Variants in ARFGEF3 observed in about 807,000 individuals in gnomAD.
ARFGEF3 encodes ARFGEF family member 3, also known as brefeldin A-inhibited guanine nucleotide-exchange protein 3.
Under a neutral mutation model 221.7 loss-of-function variants are expected in ARFGEF3, and 96 were observed. That is an observed-to-expected ratio of 0.43 (90% CI 0.37 to 0.51). ARFGEF3 has a LOEUF of 0.51. Ranked by LOEUF, ARFGEF3 falls within the 20% of genes least tolerant of loss-of-function variation. The probability of loss-of-function intolerance (pLI) is 0.00; values close to 1 mark genes in which losing one functional copy is unlikely to be tolerated. For synonymous variants in ARFGEF3, 1,145 were observed against 1,126.8 expected (o/e 1.02, Z -0.32); for missense variants, 2,410 against 2,789.9 (o/e 0.86, Z 3.07).
At position 138,207,498 on chromosome 6, in the gene ARFGEF3, T is replaced by C. The variant is rs549305877; in HGVS notation, c.219+375T>C. Among the ~76,000 whole-genome samples the C allele has an allele frequency of 1.1e-4, 16 of 152,286 alleles. 1 individual carries two copies. The South Asian group carries it at 2.1e-3, about 20-fold the overall frequency. On this transcript the variant is annotated intron_variant, in intron 3 of 33. Coordinates refer to ENST00000251691, the MANE Select transcript of ARFGEF3 (RefSeq NM_020340.5). ...CATCTATGGTTCTATATAATAAAAATTGATGGTAAACTGGAAAGATTTTGT... is the reference window on the plus strand; with the variant it reads ...CATCTATGGTTCTATATAATAAAAACTGATGGTAAACTGGAAAGATTTTGT...
rs150384583 is a variant in ARFGEF3, at chr6:138,221,052, C to T, written c.352-8732C>T. Among the ~76,000 whole-genome samples, 249 of 152,304 alleles carry T rather than the reference C, an allele frequency of 1.6e-3. 1 individual carries two copies. The highest frequency in any genetic ancestry group is 5.8e-3 in the African/African-American group (243 of 41,570). ...CCAGCTGTGCTTGCTCATACATCTT[C>T]GGTCAGTTGGTGGCTTGGCTGGGGC... On this transcript the variant is annotated intron_variant, in intron 4 of 33. Transcript: ENST00000251691.
At chr6:138,234,141 T>C (rs943335625) in intron 5 of ARFGEF3, among the ~76,000 whole-genome samples, 1 of 152,182 alleles carries the variant, frequency 6.6e-6, no homozygotes, top group Non-Finnish European at 1.5e-5. Flanking sequence ...AAGAAGTTGT[T>C]TGGAGTTAGA....
chr6:138,215,271 C>A (rs914866987), intron 4 of ARFGEF3, among the ~76,000 whole-genome samples: 1 of 152,064 alleles, frequency 6.6e-6, no homozygotes, highest in Non-Finnish European at 1.5e-5. Flanking sequence ...GCTGGCTGTT[C>A]GCCTCTGTAA....
intron 12 of ARFGEF3, among the ~76,000 whole-genome samples, chr6:138,265,125 G>C (rs569857112): frequency 2.4e-4 from 36 of 151,994 alleles, no homozygotes; most frequent in East Asian, 5.8e-4. Context: ...GGATGGTCTC[G>C]ATCTCCTGAC....
rs1420927686 is a variant in ARFGEF3 at position 138,292,069 on chromosome 6, C to T, written c.3368+16C>T. 7.1e-7 allele frequency: 1 copy of T among 1,400,800 alleles called. No individual in the cohort carries two copies. Among genetic ancestry groups the T allele is most frequent in the Non-Finnish European group, 9.3e-7 (1 of 1,079,856 alleles). The allele number at this position is 1,400,800 out of a possible 1,614,324, so 86.8% of individuals were successfully genotyped here. ...AAGCCGACAGGTGCGCGGCGCCGGC[C>T]TCCCACGCCCCGGGAGCCTGCTTAC... is the stretch of plus-strand genomic sequence containing the variant. On this transcript the variant is annotated intron_variant, in intron 19 of 33. Coordinates refer to ENST00000251691, the MANE Select transcript of ARFGEF3 (RefSeq NM_020340.5).
rs756704668 is a variant in ARFGEF3 at position 138,334,252 on chromosome 6, C to T, written c.5406C>T (p.Gly1802=). Reference sequence around the variant, plus strand: ...TGAAGAAAGTGTCTGGCATCGGGGGCGCCGCCAACCTCTACCGCCAGTCTG... The same window carrying T: ...TGAAGAAAGTGTCTGGCATCGGGGGTGCCGCCAACCTCTACCGCCAGTCTG... ...CLLKKVSGIG[G]AANLYRQSAM... Residue 1802 remains glycine, a synonymous_variant, in exon 33 of 34, where the codon GGC becomes GGT. Coordinates refer to ENST00000251691, the MANE Select transcript of ARFGEF3 (RefSeq NM_020340.5). The surrounding 1 kb of genome is among the most constrained non-coding windows in gnomAD (Gnocchi z 5.1). The T allele has an allele frequency of 1.1e-5, 18 of 1,613,302 alleles. No homozygotes were observed. Among genetic ancestry groups the T allele is most frequent in the East Asian group, 8.9e-5 (4 of 44,866 alleles).
chr6:138,312,487 C>T (rs552660360), intron 25 of ARFGEF3, among the ~76,000 whole-genome samples: 2 of 152,216 alleles, frequency 1.3e-5, no homozygotes, highest in South Asian at 4.2e-4. Context: ...CCCTTTCCAC[C>T]CTCACATCCT....
chr6:138,266,089 C>G (rs896516356), intron 12 of ARFGEF3, among the ~76,000 whole-genome samples: 4 of 151,946 alleles, frequency 2.6e-5, no homozygotes, highest in Non-Finnish European at 4.4e-5. Context: ...GGTAGTGCAC[C>G]TTTGTCCCAG....
At chr6:138,235,179 G>C (rs1360284887) in intron 5 of ARFGEF3, among the ~76,000 whole-genome samples, 2 of 152,158 alleles carry the variant, frequency 1.3e-5, no homozygotes, top group East Asian at 1.9e-4. Context: ...GTGTTTTCTT[G>C]TTCTTTTTCC....
rs917130105 is a variant in ARFGEF3 at position 138,237,616 on chromosome 6, G to A, written c.421-893G>A. ...GTAAGACCCAAATAGGCCACCCTTGGTGTTATATTCACTTTGCAGGACACA... is the reference window on the plus strand; with the variant it reads ...GTAAGACCCAAATAGGCCACCCTTGATGTTATATTCACTTTGCAGGACACA... On this transcript the variant is annotated intron_variant, in intron 5 of 33. Coordinates refer to ENST00000251691, the MANE Select transcript of ARFGEF3 (RefSeq NM_020340.5). Among the ~76,000 whole-genome samples, 5 of 152,302 alleles carry A rather than the reference G, an allele frequency of 3.3e-5. No individual in the cohort carries two copies. In the South Asian group the frequency reaches 8.3e-4, roughly 25 times the overall value.
At position 138,278,530 on chromosome 6, in the gene ARFGEF3, A is replaced by G; in HGVS notation, c.2208A>G (p.Thr736=). The stretch of plus-strand genomic sequence containing the variant: ...TGATGAACGCAGACAGCCTCTACAC[A>G]GCTGCACACTGCGCCCTGCTCCTCA... ...QMLMNADSLY[T]AAHCALLLNL... Residue 736 remains threonine, a synonymous_variant, in exon 13 of 34, where the codon ACA becomes ACG. Coordinates refer to ENST00000251691, the MANE Select transcript of ARFGEF3 (RefSeq NM_020340.5). 6.2e-7 allele frequency: 1 copy of G among 1,613,916 alleles called. No homozygotes were observed.
rs1186689308 is a variant in ARFGEF3 at position 138,321,224 on chromosome 6, A to C, written c.4765A>C (p.Arg1589=). 6.7e-7 allele frequency: 1 copy of C among 1,491,790 alleles called. No homozygotes were observed. Among genetic ancestry groups the C allele is most frequent in the South Asian group, 1.2e-5 (1 of 80,442 alleles). 92.4% of individuals were successfully genotyped at this position (1,491,790 alleles called of 1,614,324 possible). The part of the protein sequence containing the change: ...TISRVGCSCI[R]YVLVTAGPVF... ...CTCCAGAGTGGGCTGCTCCTGTATT[A>C]GGTGAGGAAATGCTTTCCTGACTCT... Residue 1589 remains arginine (R), a splice_region_variant and synonymous_variant, in exon 29 of 34, where the codon AGA becomes CGA. Transcript: ENST00000251691.
chr6:138,165,018 G>T (rs1776696774), intron 1 of ARFGEF3, among the ~76,000 whole-genome samples: 3 of 151,844 alleles, frequency 2.0e-5, no homozygotes, highest in Admixed American at 2.0e-4. Flanking sequence ...CCCCTACTTA[G>T]ACCATCATGG....
intron 12 of ARFGEF3, among the ~76,000 whole-genome samples, chr6:138,268,922 A>G (rs1778944686): frequency 6.6e-6 from 1 of 152,246 alleles, no homozygotes; most frequent in South Asian, 2.1e-4. Context: ...TCACATTAAA[A>G]CAAAGCTGAC....
rs1780087649 is a variant in ARFGEF3, at chr6:138,324,131, C to T, written c.4978C>T (p.Arg1660Cys). The T allele has an allele frequency of 3.7e-6, 6 of 1,613,686 alleles. No individual in the cohort carries two copies. In the South Asian group the frequency reaches 4.4e-5, roughly 12 times the overall value. The change falls in exon 31 of 34, where the codon CGC becomes TGC. Residue 1660 changes from arginine (R) to cysteine (C), a missense_variant. By Grantham distance (180) the Arg-to-Cys change is radical (BLOSUM62 -3). This residue lies in a region of ARFGEF3 where 723 missense variants were observed against 991.9 expected (regional missense o/e 0.73). Transcript: ENST00000251691. ...SSPSAEAEYW[R>C]IRAMAQQVFM... is the part of the protein sequence containing the mutation. ...CCCAAGTGCCGAGGCCGAGTACTGG[C>T]GCATCCGAGCCATGGCCCAGCAGGT... is the stretch of plus-strand genomic sequence containing the variant.
chr6:138,304,432 T>A (rs1779683817), intron 22 of ARFGEF3, among the ~76,000 whole-genome samples: 1 of 152,180 alleles, frequency 6.6e-6, no homozygotes, highest in Admixed American at 6.5e-5. Flanking sequence ...GTGGTGATGT[T>A]TGCACATTAA....
intron 12 of ARFGEF3, 150 bp downstream of exon 12, chr6:138,263,761 C>A: frequency 1.4e-6 from 1 of 723,894 alleles, no homozygotes; most frequent in Non-Finnish European, 2.2e-6. Context: ...GCGAAGAAAT[C>A]TAAGACCTAT....
intron 12 of ARFGEF3, among the ~76,000 whole-genome samples, chr6:138,268,326 T>C (rs1778934900): frequency 1.3e-5 from 2 of 152,214 alleles, no homozygotes; most frequent in Admixed American, 1.3e-4. Context: ...TGACTCATTA[T>C]TTATTTTGAT....
At chr6:138,172,950 A>G (rs1776868365) in intron 2 of ARFGEF3, among the ~76,000 whole-genome samples, 1 of 152,194 alleles carries the variant, frequency 6.6e-6, no homozygotes, top group African/African-American at 2.4e-5. Context: ...TTAAAGCCTT[A>G]TGGTTACAGG....
Sources: allele counts gnomAD v4.1 joint callset (sites outside exome capture counted in the v4.1 genomes callset), GRCh38; gene constraint gnomAD v4.1.1; regional missense constraint gnomAD v4.1.1; non-coding constraint Gnocchi (gnomAD v3.1); transcripts MANE v1.5; gene names NCBI Gene and HGNC (gene_info 2026-07-23, HGNC 2026-07-21).